CES2: variants seen among roughly 807,000 people sequenced by gnomAD.
CES2 encodes cocaine esterase.
CES2 carries 42 observed loss-of-function variants against 52.1 expected under a neutral mutation model. The ratio of observed to expected loss-of-function variants is 0.81; its 90% confidence interval spans 0.63 to 1.04. The LOEUF is 1.04. CES2 is among the 50% of genes least tolerant of loss of function. CES2 has a pLI of 0.00. For synonymous variants in CES2, 277 were observed against 289.6 expected (o/e 0.96, Z 0.44); for missense variants, 656 against 724.3 (o/e 0.91, Z 1.08).
chr16:66,936,774 C>T (rs1277186683), intron 1 of CES2, among the ~76,000 whole-genome samples: 12 of 152,288 alleles, frequency 7.9e-5, no homozygotes, highest in Middle Eastern at 6.8e-3. Context: ...ATACTCCCCC[C>T]GCCCCATGGT....
At chr16:66,941,939 TAGTGACCCCCATG>T in intron 8 of CES2, 91 bp downstream of exon 8, 1 of 1,579,592 alleles carries the variant, frequency 6.3e-7, no homozygotes, top group Non-Finnish European at 8.7e-7. Flanking sequence ...CCTTCCTATG[TAGTGACCCCCATG>T]AGCAAAGGCC....
At chr16:66,937,965 C>T (rs1963253126) in intron 1 of CES2, 72 bp from the exon 2 acceptor site, 1 of 1,249,922 alleles carries the variant, frequency 8.0e-7, no homozygotes, top group South Asian at 1.3e-5. Context: ...GGCAAGGAAG[C>T]AGCAATACCA....
chr16:66,936,109 C>G, intron 1 of CES2: 1 of 867,792 alleles, frequency 1.2e-6, no homozygotes, highest in Non-Finnish European at 1.5e-6. Flanking sequence ...GCATCTGGCT[C>G]TCAGTGTGTG....
At position 66,943,474 on chromosome 16, in the gene CES2, C is replaced by A; in HGVS notation, c.1493+103C>A. The stretch of plus-strand genomic sequence containing the variant: ...ACCTCATGAGCACACCCGCATCCTT[C>A]ATCACATGATGGCCCCTTCCCCAGC... On this transcript the variant is annotated intron_variant, in intron 11 of 11. Coordinates refer to ENST00000317091, the MANE Select transcript of CES2 (RefSeq NM_001365405.1). This position sits in a 1 kb window ranked among gnomAD's most constrained non-coding sequence, Gnocchi z 4.2. 1.6e-6 allele frequency: 2 copies of A among 1,225,978 alleles called. No individual in the cohort carries two copies. The highest frequency in any genetic ancestry group is 1.5e-5 in the African/African-American group (1 of 67,102). 75.9% of individuals were successfully genotyped at this position (1,225,978 alleles called of 1,614,324 possible).
chr16:66,938,966 G>T (rs1436407045), intron 2 of CES2, among the ~76,000 whole-genome samples: 2 of 152,164 alleles, frequency 1.3e-5, no homozygotes, highest in African/African-American at 4.8e-5. Context: ...AAGAGTCAAG[G>T]TTTCCGGCAG....
At chr16:66,935,155 T>C (rs1963167865), upstream of CES2, 5 of 368,680 alleles carry the variant, frequency 1.4e-5, no homozygotes, top group South Asian at 3.2e-4. Context: ...CTCAAGCGGT[T>C]CCTTCACCCC....
At chr16:66,938,594 G>T (rs1816001296) in intron 2 of CES2, among the ~76,000 whole-genome samples, 1 of 152,198 alleles carries the variant, frequency 6.6e-6, no homozygotes, top group East Asian at 1.9e-4. Flanking sequence ...GAACCTTGTA[G>T]GAGCCCCTAA....
At chr16:66,942,808 G>T (rs762451361) in intron 10 of CES2, 23 bp downstream of exon 10, 1 of 1,613,888 alleles carries the variant, frequency 6.2e-7, no homozygotes, top group Non-Finnish European at 8.5e-7. Flanking sequence ...CCTTTCCCGG[G>T]AGGTGGGCTG....
rs200069003 is a variant in CES2 at position 66,935,612 on chromosome 16, C to T, written c.-24C>T. 2 of 1,608,876 alleles carry T rather than the reference C, an allele frequency of 1.2e-6. No homozygotes were observed. ...TGAACAGCAGCGTGTCCGCCGGCAG[C>T]GAACCGAGACCAGCGAGCCGACCAT... On this transcript the variant is annotated 5_prime_UTR_variant, in exon 1 of 12. Coordinates refer to ENST00000317091, the MANE Select transcript of CES2 (RefSeq NM_001365405.1).
chr16:66,936,980 G>C (rs1597004366), intron 1 of CES2, among the ~76,000 whole-genome samples: 1 of 147,722 alleles, frequency 6.8e-6, no homozygotes, highest in Non-Finnish European at 1.5e-5. Context: ...CTAGGAGTTA[G>C]AGACCAGCTT....
intron 2 of CES2, among the ~76,000 whole-genome samples, chr16:66,938,634 A>C (rs1002254091): frequency 1.3e-5 from 2 of 152,216 alleles, no homozygotes; most frequent in African/African-American, 4.8e-5. Context: ...AAATACCTGA[A>C]GAGAACAGTA....
rs766980611 is a variant in CES2 at position 66,942,092 on chromosome 16, C to T, written c.1138-13C>T. 1 of 1,595,146 alleles carries T rather than the reference C, an allele frequency of 6.3e-7. No individual in the cohort carries two copies. The highest frequency in any genetic ancestry group is 1.7e-5 in the Admixed American group (1 of 59,000). On this transcript the variant is annotated splice_polypyrimidine_tract_variant and intron_variant, in intron 8 of 11. Transcript: ENST00000317091. The stretch of plus-strand genomic sequence containing the variant: ...CCAGTCTAACCTGCCTCTTCCTGAT[C>T]CACCTGGGGTAGATGTTGCCTCCTA...
chr16:66,937,370 C>G (rs1419525314), intron 1 of CES2, among the ~76,000 whole-genome samples: 1 of 152,146 alleles, frequency 6.6e-6, no homozygotes, highest in African/African-American at 2.4e-5. Context: ...CACACAGTGC[C>G]CAGCAGTTTA....
chr16:66,942,149 T>TTGGTGACCTGCTGAGGGA lies in CES2; in HGVS notation c.1182_1183insTGGTGACCTGCTGAGGGA (p.Ile394_Gly395insTrpTer). ...GTGACCTGCTGAGGGAGGAGTACATTGGGGACAATGGGGATCCCCAGACCC... is the reference window on the plus strand; with the variant it reads ...GTGACCTGCTGAGGGAGGAGTACATTTGGTGACCTGCTGAGGGAGGGGACAATGGGGATCCCCAGACCC... On this transcript the variant is annotated stop_gained and inframe_insertion, in exon 9 of 12. Coordinates refer to ENST00000317091, the MANE Select transcript of CES2 (RefSeq NM_001365405.1). LOFTEE classifies it high-confidence loss of function. 3.1e-6 allele frequency: 5 copies of TTGGTGACCTGCTGAGGGA among 1,613,368 alleles called. No homozygotes were observed. Among genetic ancestry groups the TTGGTGACCTGCTGAGGGA allele is most frequent in the Non-Finnish European group, 4.2e-6 (5 of 1,179,454 alleles).
Position 66,943,861 on chromosome 16 carries a change from C to T in CES2, c.1516C>T (p.Pro506Ser). ...RNGNPNGEGL[P>S]HWPLFDQEEQ... ...CAGGAACCCCAATGGCGAGGGTCTG[C>T]CACACTGGCCGCTGTTCGACCAGGA... is the stretch of plus-strand genomic sequence containing the variant. The change falls in exon 12 of 12, where the codon CCA becomes TCA. Residue 506 changes from proline (P) to serine (S), a missense_variant. Physicochemically the swap from Pro to Ser is moderately conservative, Grantham distance 74. Coordinates refer to ENST00000317091, the MANE Select transcript of CES2 (RefSeq NM_001365405.1). The surrounding 1 kb of genome is among the most constrained non-coding windows in gnomAD (Gnocchi z 4.2). 6.2e-7 allele frequency: 1 copy of T among 1,602,596 alleles called. No individual in the cohort carries two copies. Among genetic ancestry groups the T allele is most frequent in the Middle Eastern group, 1.8e-4 (1 of 5,502 alleles).
rs28382817 is a variant in CES2, at chr16:66,939,503, C to G, written c.423+145C>G. The G allele has an allele frequency of 5.9e-4, 497 of 847,088 alleles. 2 individuals are homozygous for G. The African/African-American group carries it at 7.6e-3, about 13-fold the overall frequency. The allele number at this position is 847,088 out of a possible 1,614,324, so 52.5% of individuals were successfully genotyped here. A position where few individuals can be genotyped will look rare whatever the true frequency, so the allele number is the denominator to read the frequency against. On this transcript the variant is annotated intron_variant, in intron 3 of 11. Transcript: ENST00000317091. Reference sequence around the variant, plus strand: ...GTCAGGTCCAAGAAATGCTCCTTACCCAGACTGGGCAGCTGGCCCCTGGAC... The same window carrying G: ...GTCAGGTCCAAGAAATGCTCCTTACGCAGACTGGGCAGCTGGCCCCTGGAC...
In CES2 at chr16:66,942,157, A is replaced by G. The variant is rs772470688; in HGVS notation, c.1190A>G (p.Asn397Ser). 5 of 1,613,518 alleles carry G rather than the reference A, an allele frequency of 3.1e-6. No individual in the cohort carries two copies. Among genetic ancestry groups the G allele is most frequent in the Admixed American group, 1.7e-5 (1 of 59,962 alleles). Residue 397 changes from asparagine to serine, a missense_variant, in exon 9 of 12, where the codon AAT becomes AGT. Coordinates refer to ENST00000317091, the MANE Select transcript of CES2 (RefSeq NM_001365405.1). Reference sequence around the variant, plus strand: ...CTGAGGGAGGAGTACATTGGGGACAATGGGGATCCCCAGACCCTCCAAGCG... The same window carrying G: ...CTGAGGGAGGAGTACATTGGGGACAGTGGGGATCCCCAGACCCTCCAAGCG... ...DLLREEYIGD[N>S]GDPQTLQAQF...
At chr16:66,941,471 C>G in intron 6 of CES2, 35 bp from the exon 7 acceptor site, 1 of 1,610,746 alleles carries the variant, frequency 6.2e-7, no homozygotes, top group African/African-American at 1.3e-5. Flanking sequence ...TGTCTGGGAC[C>G]TGACCTTGTT....
In CES2 at chr16:66,938,222, G is replaced by A. The variant is rs942666762; in HGVS notation, c.262G>A (p.Gly88Arg). The change falls in exon 2 of 12, where the codon GGA (glycine) becomes AGA (arginine). Residue 88 changes from glycine (G) to arginine (R), a missense_variant. By Grantham distance (125) the Gly-to-Arg change is moderately radical. Coordinates refer to ENST00000317091, the MANE Select transcript of CES2 (RefSeq NM_001365405.1). Reference sequence around the variant, plus strand: ...TGAATCTTGGAGTGGTGTGAGGGATGGAACCACCCATCCGGCCATGTAAGC... The same window carrying A: ...TGAATCTTGGAGTGGTGTGAGGGATAGAACCACCCATCCGGCCATGTAAGC... ...PPESWSGVRD[G>R]TTHPAMCLQD... is the part of the protein sequence containing the mutation. 10 of 1,613,714 alleles carry A rather than the reference G, an allele frequency of 6.2e-6. No homozygotes were observed. Among genetic ancestry groups the A allele is most frequent in the African/African-American group, 1.3e-5 (1 of 74,926 alleles).
Sources: gnomAD v4.1 joint callset for allele counts (sites outside exome capture counted in the v4.1 genomes callset) on GRCh38, gnomAD v4.1.1 for gene constraint, Gnocchi (gnomAD v3.1) non-coding constraint, MANE v1.5 for transcripts, NCBI Gene and HGNC (gene_info 2026-07-23, HGNC 2026-07-21) for gene names.